Variants in CA10 observed in about 807,000 individuals in gnomAD.
CA10 encodes carbonic anhydrase 10 (inactive).
A neutral mutation model predicts 44.2 loss-of-function variants in CA10; 14 were observed. That is an observed-to-expected ratio of 0.32 (90% CI 0.21 to 0.50). CA10 has a LOEUF of 0.50. Among genes scored for constraint, CA10 ranks in the 20% least tolerant of loss-of-function variants. The pLI, the probability that CA10 is intolerant of heterozygous loss-of-function variation, is 0.99. For missense variants in CA10, 350 were observed against 409.7 expected (o/e 0.85, Z 1.26); for synonymous variants, 159 against 141.6 (o/e 1.12, Z -0.87).
At chr17:52,104,569 C>T (rs529993646) in intron 1 of CA10, among the ~76,000 whole-genome samples, 1 of 152,160 alleles carries the variant, frequency 6.6e-6, no homozygotes, top group African/African-American at 2.4e-5. Flanking sequence ...ACTGGGAGAA[C>T]TTTGTCAAAG....
intron 6 of CA10, among the ~76,000 whole-genome samples, chr17:51,645,959 C>T (rs1913315708): frequency 6.6e-6 from 1 of 152,146 alleles, no homozygotes; most frequent in Non-Finnish European, 1.5e-5. Context: ...CTTATTTCTT[C>T]CCTCTACCAT....
chr17:52,133,374 G>C (rs1989283884), intron 1 of CA10, among the ~76,000 whole-genome samples: 1 of 152,144 alleles, frequency 6.6e-6, no homozygotes, highest in African/African-American at 2.4e-5. Flanking sequence ...TTTTTAAAGT[G>C]GTTAGCAAAG....
At chr17:51,867,707 G>A (rs1489397325) in intron 3 of CA10, among the ~76,000 whole-genome samples, 1 of 152,170 alleles carries the variant, frequency 6.6e-6, no homozygotes, top group East Asian at 1.9e-4. Flanking sequence ...ATCTACTGAA[G>A]CTAAGTCAGT....
chr17:52,133,990 G>T (rs1567744246), intron 1 of CA10, among the ~76,000 whole-genome samples: 1 of 152,306 alleles, frequency 6.6e-6, no homozygotes, highest in East Asian at 1.9e-4. Context: ...TATCATGCTG[G>T]TGATGTGAGC....
intron 4 of CA10, among the ~76,000 whole-genome samples, chr17:51,676,939 A>T (rs1914643403): frequency 6.6e-6 from 1 of 152,152 alleles, no homozygotes; most frequent in Admixed American, 6.5e-5. Flanking sequence ...CCATGGCCAC[A>T]GAGTAGCCCT....
chr17:51,833,451 A>G (rs1373893839), intron 3 of CA10, among the ~76,000 whole-genome samples: 2 of 152,216 alleles, frequency 1.3e-5, no homozygotes, highest in African/African-American at 4.8e-5. Context: ...TTCTAGCTCA[A>G]TTGAAATACT....
chr17:51,675,988 G>C (rs1349294354), intron 4 of CA10, among the ~76,000 whole-genome samples: 1 of 152,238 alleles, frequency 6.6e-6, no homozygotes, highest in African/African-American at 2.4e-5. Flanking sequence ...CGTGATGCTT[G>C]TAAGGTCCTA....
At chr17:51,916,908 T>C (rs1481115662) in intron 3 of CA10, among the ~76,000 whole-genome samples, 1 of 152,150 alleles carries the variant, frequency 6.6e-6, no homozygotes, top group Non-Finnish European at 1.5e-5. Flanking sequence ...CGGAGTCCTT[T>C]CCGATATGAA....
intron 3 of CA10, among the ~76,000 whole-genome samples, chr17:51,802,685 G>T (rs763016377): frequency 6.6e-6 from 1 of 152,074 alleles, no homozygotes; most frequent in African/African-American, 2.4e-5. Context: ...AGCCTGAGGG[G>T]CAGATGGCTA....
At chr17:52,007,209 T>C (rs1985630408) in intron 2 of CA10, among the ~76,000 whole-genome samples, 1 of 151,658 alleles carries the variant, frequency 6.6e-6, no homozygotes, top group South Asian at 2.1e-4. Flanking sequence ...TGACAATTTT[T>C]TTTCTTCTTT....
At chr17:51,682,075 C>A (rs1248892467) in intron 4 of CA10, among the ~76,000 whole-genome samples, 1 of 152,218 alleles carries the variant, frequency 6.6e-6, no homozygotes, top group African/African-American at 2.4e-5. Flanking sequence ...CCAGGCACTG[C>A]ATTCGATCCT....
rs145848367 is a variant in CA10 at position 51,992,219 on chromosome 17, A to T, written c.137-61087T>A. On this transcript the variant is annotated intron_variant, in intron 2 of 8. Transcript: ENST00000451037. ...TCATTTTTGCTTTACTATAAAAAAA[A>T]GGAGTTACAATACCCCTCTTAAAGG... 1.2e-3 allele frequency among the ~76,000 whole-genome samples: 182 copies of T among 152,214 alleles called. 5 individuals carry two copies. In the South Asian group the frequency reaches 0.022, roughly 18 times the overall value.
At chr17:51,998,302 T>C (rs1187129023) in intron 2 of CA10, among the ~76,000 whole-genome samples, 1 of 152,092 alleles carries the variant, frequency 6.6e-6, no homozygotes, top group Non-Finnish European at 1.5e-5. Context: ...TAATTACACA[T>C]TCAGACTGCA....
chr17:52,102,793 C>T (rs1204307082), intron 1 of CA10, among the ~76,000 whole-genome samples: 1 of 152,166 alleles, frequency 6.6e-6, no homozygotes, highest in African/African-American at 2.4e-5. Context: ...GTATTCTTCT[C>T]AAGAATGTAA....
At position 51,937,040 on chromosome 17, in the gene CA10, T is replaced by C. The variant is rs113249178; in HGVS notation, c.137-5908A>G. On this transcript the variant is annotated intron_variant, in intron 2 of 8. Coordinates refer to ENST00000451037, the MANE Select transcript of CA10 (RefSeq NM_020178.5). ...GCAAGGAATATTTTCATGAAGACAC[T>C]CAGCTAAAGCAATCTTTTCTCGTTT... is the stretch of plus-strand genomic sequence containing the variant. 6.1e-3 allele frequency among the ~76,000 whole-genome samples: 934 copies of C among 152,240 alleles called. 6 individuals are homozygous for C. Among genetic ancestry groups the C allele is most frequent in the African/African-American group, 0.021 (889 of 41,560 alleles).
intron 1 of CA10, among the ~76,000 whole-genome samples, chr17:52,103,781 T>C (rs984437660): frequency 1.3e-5 from 2 of 152,230 alleles, no homozygotes; most frequent in African/African-American, 4.8e-5. Context: ...TTCAAGTTCA[T>C]AGCCCAAGTT....
At chr17:51,667,301 T>C (rs555930431) in intron 4 of CA10, among the ~76,000 whole-genome samples, 1 of 152,312 alleles carries the variant, frequency 6.6e-6, no homozygotes, top group East Asian at 1.9e-4. Context: ...CAATGGACAG[T>C]GGGGTCTGAG....
rs1984338194 is a variant in CA10, at chr17:51,973,061, A to G, written c.137-41929T>C. ...GGGTCTCAATCTAATTTAGTATTAA[A>G]TACTAATTAGCATCACCAATTTCAG... On this transcript the variant is annotated intron_variant, in intron 2 of 8. Transcript: ENST00000451037. Among the ~76,000 whole-genome samples the G allele has an allele frequency of 2.0e-5, 3 of 152,202 alleles. No individual in the cohort carries two copies. In the South Asian group the frequency reaches 6.2e-4, roughly 31 times the overall value.
chr17:51,748,642 G>A (rs1904791532), intron 3 of CA10: 1 of 200,800 alleles, frequency 5.0e-6, no homozygotes, highest in South Asian at 1.7e-4. Context: ...AGGATCTAGA[G>A]CTTAGGGAGA....
Sources: allele counts gnomAD v4.1 joint callset (sites outside exome capture counted in the v4.1 genomes callset), GRCh38; gene constraint gnomAD v4.1.1; transcripts MANE v1.5; gene names NCBI Gene and HGNC (gene_info 2026-07-23, HGNC 2026-07-21).